KLHL29: variants seen among roughly 807,000 people sequenced by gnomAD.
KLHL29 encodes kelch like family member 29, also known as kelch-like protein 29.
KLHL29 carries 21 observed loss-of-function variants against 80.4 expected under a neutral mutation model. That is an observed-to-expected ratio of 0.26 (90% confidence interval 0.19 to 0.38). The LOEUF (loss-of-function observed/expected upper bound fraction) is 0.38, where lower values mean the gene tolerates loss of function less well. Among genes scored for constraint, KLHL29 ranks in the 10% least tolerant of loss-of-function variants. The pLI, the probability that KLHL29 is intolerant of heterozygous loss-of-function variation, is 1.00. For missense variants in KLHL29, 867 were observed against 1,223.9 expected, an observed-to-expected ratio of 0.71 and a Z score of 4.35; for synonymous variants, 511 against 526.8, an observed-to-expected ratio of 0.97 and a Z score of 0.41.
chr2:23,605,719 C>T (rs1470485778), intron 3 of KLHL29, among the ~76,000 whole-genome samples: 2 of 152,004 alleles, frequency 1.3e-5, no homozygotes, highest in African/African-American at 4.8e-5. Context: ...CCTCCTCCTT[C>T]TCAGGTGCTT....
chr2:23,635,050 A>C (rs1249406328), intron 3 of KLHL29, among the ~76,000 whole-genome samples: 1 of 152,230 alleles, frequency 6.6e-6, no homozygotes, highest in East Asian at 1.9e-4. Flanking sequence ...AGAACAAGCA[A>C]GGCCTGGGAG....
rs146345746 is a variant in KLHL29 at position 23,584,385 on chromosome 2, C to T, written c.285+21904C>T. Among the ~76,000 whole-genome samples, 122 of 152,354 alleles carry T rather than the reference C, an allele frequency of 8.0e-4. 1 individual carries two copies. The highest frequency in any genetic ancestry group is 2.7e-3 in the African/African-American group (114 of 41,584). On this transcript the variant is annotated intron_variant, in intron 3 of 13. Coordinates refer to ENST00000486442, the MANE Select transcript of KLHL29 (RefSeq NM_052920.2). ...GAAACAGGCACCCTCCTCCCAGCTT[C>T]GCCCTCTGGGGATTAGAATGGCAGA...
Position 23,556,487 on chromosome 2 carries a change from C to A in KLHL29, c.-45-5665C>A, listed in dbSNP as rs914532386. On this transcript the variant is annotated intron_variant, in intron 2 of 13. Transcript: ENST00000486442. ...AACCCCATTTCTACCAAAAAAAAAA[C>A]AAAAAAAATACAAAAATTAGCGGGT... Among the ~76,000 whole-genome samples the A allele has an allele frequency of 4.3e-3, 632 of 148,528 alleles. 3 individuals are homozygous for A. Among genetic ancestry groups the A allele is most frequent in the African/African-American group, 0.015 (602 of 39,842 alleles).
intron 2 of KLHL29, among the ~76,000 whole-genome samples, chr2:23,520,453 A>G (rs958288125): frequency 4.6e-5 from 7 of 152,166 alleles, no homozygotes; most frequent in Admixed American, 3.3e-4. Context: ...GTGATGGAGG[A>G]AAATAAGAAC....
chr2:23,525,738 C>CA (rs1553335105), intron 2 of KLHL29, among the ~76,000 whole-genome samples: 3 of 27,804 alleles, frequency 1.1e-4, no homozygotes, highest in East Asian at 9.4e-4. Flanking sequence ...CCCCCCCCCC[C>CA]ACCCGAGGCG....
intron 2 of KLHL29, among the ~76,000 whole-genome samples, chr2:23,548,176 A>C (rs1164666094): frequency 1.3e-5 from 2 of 152,200 alleles, no homozygotes; most frequent in East Asian, 1.9e-4. Flanking sequence ...TAGAATGCCA[A>C]AGGAATTTTG....
At position 23,639,202 on chromosome 2, in the gene KLHL29, C is replaced by A; in HGVS notation, c.349C>A (p.Gln117Lys). ...QGLATSIRWG[Q>K]TPINQSTPWD... ...ACTGGCGACCAGCATCCGGTGGGGGCAGACGCCTATCAATCAGTCCACACC... is the reference window on the plus strand; with the variant it reads ...ACTGGCGACCAGCATCCGGTGGGGGAAGACGCCTATCAATCAGTCCACACC... Residue 117 changes from glutamine (Q) to lysine (K), a missense_variant, in exon 4 of 14, where the codon CAG (glutamine) becomes AAG (lysine). Gln to Lys is a moderately conservative substitution (Grantham distance 53, BLOSUM62 1). This residue lies in a region of KLHL29 where 424 missense variants were observed against 456.9 expected (regional missense o/e 0.93). Coordinates refer to ENST00000486442, the MANE Select transcript of KLHL29 (RefSeq NM_052920.2). 2 of 1,547,444 alleles carry A rather than the reference C, an allele frequency of 1.3e-6. No homozygotes were observed. Among genetic ancestry groups the A allele is most frequent in the South Asian group, 2.4e-5 (2 of 83,172 alleles).
At chr2:23,611,463 C>T (rs1443428681) in intron 3 of KLHL29, among the ~76,000 whole-genome samples, 1 of 152,216 alleles carries the variant, frequency 6.6e-6, no homozygotes, top group African/African-American at 2.4e-5. Context: ...TTCAAATCCT[C>T]TGGGTTCTCC....
intron 1 of KLHL29, 46 bp from the exon 2 acceptor site, chr2:23,475,514 G>T: frequency 6.1e-6 from 1 of 165,032 alleles, no homozygotes. Context: ...AAAAAAATTA[G>T]ACCTTTTCCC....
At chr2:23,405,576 T>C (rs1302503115) in intron 1 of KLHL29, among the ~76,000 whole-genome samples, 2 of 152,184 alleles carry the variant, frequency 1.3e-5, no homozygotes, top group Non-Finnish European at 2.9e-5. Context: ...GTTCCACAGA[T>C]CCTGCTGATG....
At chr2:23,415,098 G>C (rs1259781736) in intron 1 of KLHL29, among the ~76,000 whole-genome samples, 2 of 152,210 alleles carry the variant, frequency 1.3e-5, no homozygotes, top group African/African-American at 4.8e-5. Context: ...GCACCACCAA[G>C]CTTCCAAAAG....
intron 1 of KLHL29, among the ~76,000 whole-genome samples, chr2:23,429,878 A>ATT (rs1163988509): frequency 2.8e-5 from 3 of 106,248 alleles, no homozygotes; most frequent in African/African-American, 1.6e-4. Context: ...CCTTCTAGTG[A>ATT]CTTTAAATTT....
rs1671072715 is a variant in KLHL29 at position 23,681,101 on chromosome 2, T to A, written c.941-3298T>A. ...GGTGTCCCCTTGTGGATTCTGGGTC[T>A]CCCCACCGACAGGCACAGCCTGAGA... is the stretch of plus-strand genomic sequence containing the variant. On this transcript the variant is annotated intron_variant, in intron 5 of 13. Transcript: ENST00000486442. The surrounding 1 kb of genome is among the most constrained non-coding windows in gnomAD (Gnocchi z 4.2). Among the ~76,000 whole-genome samples the A allele has an allele frequency of 6.6e-6, 1 of 152,112 alleles. No individual in the cohort carries two copies. The highest frequency in any genetic ancestry group is 2.4e-5 in the African/African-American group (1 of 41,416).
intron 2 of KLHL29, among the ~76,000 whole-genome samples, chr2:23,477,065 C>T (rs374527712): frequency 3.0e-4 from 46 of 152,406 alleles, no homozygotes; most frequent in African/African-American, 1.1e-3. Flanking sequence ...CTGGCCCAGC[C>T]TTGTATGTCC....
At chr2:23,601,631 C>T (rs1668574547) in intron 3 of KLHL29, among the ~76,000 whole-genome samples, 1 of 152,166 alleles carries the variant, frequency 6.6e-6, no homozygotes, top group African/African-American at 2.4e-5. Context: ...TTGCAAACAT[C>T]AACGTGTTCC....
rs1193990552 is a variant in KLHL29 at position 23,677,480 on chromosome 2, C to T, written c.941-6919C>T. Among the ~76,000 whole-genome samples the T allele has an allele frequency of 2.0e-5, 3 of 152,240 alleles. No homozygotes were observed. In the East Asian group the frequency reaches 5.8e-4, roughly 29 times the overall value. Reference sequence around the variant, plus strand: ...CTAGGAGGGTTTGCCTGCATAGGGCCTCAGGTGTCACACGTCCGACTCAGG... The same window carrying T: ...CTAGGAGGGTTTGCCTGCATAGGGCTTCAGGTGTCACACGTCCGACTCAGG... On this transcript the variant is annotated intron_variant, in intron 5 of 13. Coordinates refer to ENST00000486442, the MANE Select transcript of KLHL29 (RefSeq NM_052920.2).
chr2:23,543,672 T>C (rs2103484937), intron 2 of KLHL29, among the ~76,000 whole-genome samples: 1 of 152,356 alleles, frequency 6.6e-6, no homozygotes, highest in East Asian at 1.9e-4. Context: ...TCCATCGGTT[T>C]CTGGGACGGC....
chr2:23,569,136 A>T (rs1667657646), intron 3 of KLHL29, among the ~76,000 whole-genome samples: 1 of 152,236 alleles, frequency 6.6e-6, no homozygotes, highest in African/African-American at 2.4e-5. Flanking sequence ...AGAAGGACAT[A>T]TGCTAACCTA....
At chr2:23,534,869 A>AC (rs1306693673) in intron 2 of KLHL29, among the ~76,000 whole-genome samples, 2 of 152,038 alleles carry the variant, frequency 1.3e-5, no homozygotes, top group Admixed American at 6.6e-5. Context: ...ACAGCCTAGA[A>AC]CCCCCTGCAG....
Sources: allele counts gnomAD v4.1 joint callset (sites outside exome capture counted in the v4.1 genomes callset), GRCh38; gene constraint gnomAD v4.1.1; regional missense constraint gnomAD v4.1.1; non-coding constraint Gnocchi (gnomAD v3.1); transcripts MANE v1.5; gene names NCBI Gene and HGNC (gene_info 2026-07-23, HGNC 2026-07-21).